The following L1CAM variants were observed in gnomAD, a reference collection of about 807,000 sequenced individuals.
The protein encoded by L1CAM is L1 cell adhesion molecule.
Under a neutral mutation model 93.0 loss-of-function variants are expected in L1CAM, and 8 were observed. The observed-to-expected ratio is 0.09, with a 90% CI of 0.05 to 0.16. The LOEUF is 0.16. Among genes scored for constraint, L1CAM ranks in the 10% least tolerant of loss-of-function variants. The pLI, the probability that L1CAM is intolerant of heterozygous loss-of-function variation, is 1.00. For missense variants in L1CAM, 777 were observed against 1,073.4 expected (o/e 0.72, Z 3.86); for synonymous variants, 453 against 453.0 (o/e 1.00, Z 0.00).
chrX:153,868,481 G>T, intron 13 of L1CAM, 23 bp from the exon 14 acceptor site: 1 of 1,212,046 alleles, frequency 8.3e-7, no homozygotes, highest in Non-Finnish European at 1.1e-6. Flanking sequence ...CGTGCGTGGG[G>T]AAGTCACTCT....
chrX:153,871,945 C>A (rs1557093292), intron 5 of L1CAM, among the ~76,000 whole-genome samples: 1 of 102,491 alleles, frequency 9.8e-6, no homozygotes, highest in African/African-American at 3.6e-5. Context: ...CATGAGATGA[C>A]CGGAAGTGCA....
In L1CAM at chrX:153,866,863, C is replaced by T. The variant is rs1557091086; in HGVS notation, c.2217G>A (p.Arg739=). Residue 739 remains arginine (R), a synonymous_variant, in exon 19 of 29, where the codon CGG becomes CGA. Transcript: ENST00000370060. ...TNMVITWKPL[R]WMDWNAPQVQ... ...CCTGGGGGGCGTTCCAGTCCATCCA[C>T]CGGAGCGGCTGGAGGAGGCCAGCAG... 9.1e-6 allele frequency: 11 copies of T among 1,209,803 alleles called. 1 individual carries two copies. Among genetic ancestry groups the T allele is most frequent in the South Asian group, 5.3e-5 (3 of 56,935 alleles).
chrX:153,884,931 C>A (rs1486472208), intron 1 of L1CAM, among the ~76,000 whole-genome samples: 4 of 113,036 alleles, frequency 3.5e-5, no homozygotes, highest in Non-Finnish European at 7.5e-5. Context: ...CCCCTGCCCT[C>A]AGGGTGGGGT....
intron 1 of L1CAM, among the ~76,000 whole-genome samples, chrX:153,881,838 C>A (rs1003736481): frequency 1.8e-5 from 2 of 111,385 alleles, no homozygotes; most frequent in African/African-American, 3.3e-5. Flanking sequence ...GCCTCCGAGA[C>A]CCCTAGAAGG....
At chrX:153,884,755 C>A (rs781978968) in intron 1 of L1CAM, among the ~76,000 whole-genome samples, 40 of 112,535 alleles carry the variant, frequency 3.6e-4, no homozygotes, top group Non-Finnish European at 9.4e-5. Context: ...TGGGCCAAGT[C>A]CCACCACCTG....
At chrX:153,879,289 T>C (rs1363232705) in intron 1 of L1CAM, among the ~76,000 whole-genome samples, 5 of 108,569 alleles carry the variant, frequency 4.6e-5, no homozygotes, top group Non-Finnish European at 9.6e-5. Context: ...GGTTAGGGGG[T>C]GGGGAAATTC....
intron 1 of L1CAM, among the ~76,000 whole-genome samples, chrX:153,879,512 G>T (rs1361629407): frequency 8.9e-6 from 1 of 112,298 alleles, no homozygotes; most frequent in Non-Finnish European, 1.9e-5. Context: ...GCGGGGAGGA[G>T]GGAAGATGGG....
Position 153,867,500 on chromosome X carries a change from GACTGT to G in L1CAM, c.1988_1992del (p.Tyr663SerfsTer24). ...GTCTGGTTCCCTGGAACCTTGCCCAGACTGTACCATTTTTCAGGCGCCATTTCCTT... is the reference window on the plus strand; with the variant it reads ...GTCTGGTTCCCTGGAACCTTGCCCAGACCATTTTTCAGGCGCCATTTCCTT... On this transcript the variant is annotated frameshift_variant, in exon 17 of 29. Coordinates refer to ENST00000370060, the MANE Select transcript of L1CAM (RefSeq NM_001278116.2). LOFTEE classifies it high-confidence loss of function. 1 of 1,211,344 alleles carries G rather than the reference GACTGT, an allele frequency of 8.3e-7. No homozygotes were observed.
intron 25 of L1CAM, 137 bp downstream of exon 25, chrX:153,864,185 C>T (rs1025046030): frequency 1.1e-5 from 11 of 1,013,263 alleles, no homozygotes; most frequent in Non-Finnish European, 1.5e-5. Flanking sequence ...TCGGGGACAC[C>T]CAGATTCTGG....
chrX:153,868,225 C>T, intron 14 of L1CAM, 77 bp downstream of exon 14: 1 of 1,194,413 alleles, frequency 8.4e-7, no homozygotes, highest in Non-Finnish European at 1.1e-6. Context: ...CCTTCCCCAT[C>T]AAAGCAAGGA....
chrX:153,880,556 G>C, intron 1 of L1CAM: 1 of 324,833 alleles, frequency 3.1e-6, no homozygotes, highest in Non-Finnish European at 6.2e-6. Flanking sequence ...TGCAGGCCTG[G>C]GAGCCTGGGG....
intron 7 of L1CAM, 105 bp downstream of exon 7, chrX:153,870,685 C>G (rs782460945): frequency 7.5e-6 from 7 of 927,592 alleles, no homozygotes; most frequent in Admixed American, 6.8e-5. Context: ...GGGAGCCAAG[C>G]TGTTCTTGAG....
intron 11 of L1CAM, 141 bp downstream of exon 11, chrX:153,869,379 G>T: frequency 3.1e-6 from 2 of 654,122 alleles, no homozygotes; most frequent in Non-Finnish European, 4.9e-6. Context: ...TGGGGCGAAG[G>T]GTGTCAGCAA....
chrX:153,879,285 G>C (rs1017346958), intron 1 of L1CAM, among the ~76,000 whole-genome samples: 5 of 111,400 alleles, frequency 4.5e-5, no homozygotes, highest in Admixed American at 1.9e-4. Flanking sequence ...AGATGGTTAG[G>C]GGGTGGGGAA....
chrX:153,870,347 A>ACCCTG (rs782091258), intron 8 of L1CAM, 41 bp downstream of exon 8: 200 of 1,184,164 alleles, frequency 1.7e-4, no homozygotes, highest in Admixed American at 1.3e-3. Flanking sequence ...GGGCTCCGCC[A>ACCCTG]CCCTGCCCTG....
chrX:153,864,079 G>T, intron 25 of L1CAM, 62 bp from the exon 26 acceptor site: 4 of 1,198,563 alleles, frequency 3.3e-6, no homozygotes. Flanking sequence ...CTGAGGCCCT[G>T]AAGTATGCTC....
In L1CAM at chrX:153,876,562, G is replaced by A. The variant is rs1290222627; in HGVS notation, c.-108-618C>T. 3.5e-5 allele frequency among the ~76,000 whole-genome samples: 4 copies of A among 112,975 alleles called. No individual in the cohort carries two copies. In the Admixed American group the frequency reaches 3.7e-4, roughly 11 times the overall value. Reference sequence around the variant, plus strand: ...TTCTTCTTGCAGTCACATTGCTATAGCTTTCAGAGCCAACTGATGCCTGGG... The same window carrying A: ...TTCTTCTTGCAGTCACATTGCTATAACTTTCAGAGCCAACTGATGCCTGGG... On this transcript the variant is annotated intron_variant, in intron 1 of 28. Transcript: ENST00000370060.
rs965644747 is a variant in L1CAM, at chrX:153,862,604, G to A, written c.*59C>T. 22 of 972,214 alleles carry A rather than the reference G, an allele frequency of 2.3e-5. No individual in the cohort carries two copies. The highest frequency in any genetic ancestry group is 3.0e-5 in the Non-Finnish European group (21 of 695,274). 80.1% of individuals were successfully genotyped at this position (972,214 alleles called of 1,213,427 possible). On this transcript the variant is annotated 3_prime_UTR_variant, in exon 29 of 29. Coordinates refer to ENST00000370060, the MANE Select transcript of L1CAM (RefSeq NM_001278116.2). ...ACTCCAGCCTCCCATGGGCCTGCTG[G>A]AGAGGGAGGGGCCTGGATCCCAAGG...
rs1372534909 is a variant in L1CAM at position 153,864,311 on chromosome X, C to T, written c.3322+11G>A. The T allele has an allele frequency of 1.2e-5, 14 of 1,208,118 alleles. No individual in the cohort carries two copies. The highest frequency in any genetic ancestry group is 2.5e-4 in the Middle Eastern group (1 of 4,079). On this transcript the variant is annotated intron_variant, in intron 25 of 28. Transcript: ENST00000370060. The stretch of plus-strand genomic sequence containing the variant: ...TCCCTGGCAGGTGATGGCGGGCCCC[C>T]GGCGCCTCACCTGTGCCATTGGTCT...
Sources: allele counts gnomAD v4.1 joint callset (sites outside exome capture counted in the v4.1 genomes callset), GRCh38; gene constraint gnomAD v4.1.1; transcripts MANE v1.5; gene names NCBI Gene and HGNC (gene_info 2026-07-23, HGNC 2026-07-21).